KDM5B: variants seen among roughly 807,000 people sequenced by gnomAD.
KDM5B encodes the protein lysine demethylase 5B.
Under a neutral mutation model 193.4 loss-of-function variants are expected in KDM5B, and 144 were observed. The observed-to-expected ratio is 0.74, with a 90% CI of 0.65 to 0.86. KDM5B has a LOEUF of 0.86. Among genes scored for constraint, KDM5B ranks in the 40% least tolerant of loss-of-function variants. KDM5B has a pLI of 0.00. For synonymous variants in KDM5B, 668 were observed against 682.6 expected (o/e 0.98, Z 0.33); for missense variants, 1,833 against 1,886.9 (o/e 0.97, Z 0.53).
At chr1:202,794,773 T>G (rs1202531204) in intron 1 of KDM5B, among the ~76,000 whole-genome samples, 4 of 152,216 alleles carry the variant, frequency 2.6e-5, no homozygotes, top group African/African-American at 9.6e-5. Context: ...AGACCCCCAG[T>G]GGATGCCTGA....
At position 202,736,282 on chromosome 1, in the gene KDM5B, C is replaced by A. The variant is rs747859079; in HGVS notation, c.3195G>T (p.Glu1065Asp). Reference protein sequence around the residue: ...SLPRLETLVAEVQAWKECAVN... With the variant: ...SLPRLETLVADVQAWKECAVN... ...CAGCACATTCTTTCCAAGCCTGAAC[C>A]TCAGCTACTAGGGTTTCCAGTCTTG... is the stretch of plus-strand genomic sequence containing the variant. Residue 1065 changes from glutamate (E) to aspartate (D), a missense_variant, in exon 21 of 27, where the codon GAG becomes GAT. By Grantham distance (45) the Glu-to-Asp change is conservative. This residue lies in a region of KDM5B where 1,379 missense variants were observed against 1,349.6 expected (regional missense o/e 1.02). Transcript: ENST00000367265. The A allele has an allele frequency of 1.1e-5, 17 of 1,612,366 alleles. No homozygotes were observed. In the Admixed American group the frequency reaches 2.5e-4, roughly 24 times the overall value.
Position 202,777,081 on chromosome 1 carries a change from G to A in KDM5B, c.218C>T (p.Pro73Leu). 2 of 1,612,800 alleles carry A rather than the reference G, an allele frequency of 1.2e-6. No individual in the cohort carries two copies. ...AAGTTTATCAACATCACATGCAAAT[G>A]GTGGCTGCCAATCCTAGGAGAAAGC... ...KVRPPPDWQP[P>L]FACDVDKLHF... is the part of the protein sequence containing the mutation. The change falls in exon 2 of 27, where the codon CCA becomes CTA. Residue 73 changes from proline to leucine, a missense_variant. Pro to Leu is a moderately conservative substitution (Grantham distance 98). This residue lies in a region of KDM5B where 355 missense variants were observed against 374.9 expected (regional missense o/e 0.95). Transcript: ENST00000367265.
rs1294197522 is a variant in KDM5B at position 202,728,531 on chromosome 1, G to A, written c.*505C>T. The A allele has an allele frequency of 6.5e-6, 1 of 153,312 alleles. No homozygotes were observed. Among genetic ancestry groups the A allele is most frequent in the Non-Finnish European group, 1.5e-5 (1 of 68,502 alleles). 9.5% of individuals were successfully genotyped at this position (153,312 alleles called of 1,614,324 possible). ...CCAGGAAGAAGAAAAGTGGATAAAG[G>A]AAAAGAAGAAACAAACAAAAACTCC... On this transcript the variant is annotated 3_prime_UTR_variant, in exon 27 of 27. Coordinates refer to ENST00000367265, the MANE Select transcript of KDM5B (RefSeq NM_006618.5).
In KDM5B at chr1:202,773,256, A is replaced by C; in HGVS notation, c.438T>G (p.Val146=). 6.2e-7 allele frequency: 1 copy of C among 1,614,164 alleles called. No homozygotes were observed. Among genetic ancestry groups the C allele is most frequent in the Non-Finnish European group, 8.5e-7 (1 of 1,180,016 alleles). The change falls in exon 4 of 27, where the codon GTT becomes GTG. Residue 146 remains valine, a synonymous_variant. Transcript: ENST00000367265. ...LVAEEGGFAV[V]CKDRKWTKIA... ...TTTTGGTCCATTTTCTATCCTTGCA[A>C]ACAACTGCAAATCCACCTTCTTCTG...
chr1:202,782,959 C>G (rs1657257773), intron 1 of KDM5B, among the ~76,000 whole-genome samples: 1 of 152,152 alleles, frequency 6.6e-6, no homozygotes, highest in Non-Finnish European at 1.5e-5. Flanking sequence ...CAAGACCAAC[C>G]TGGGTGCTGA....
chr1:202,796,204 C>T, intron 1 of KDM5B: 1 of 263,092 alleles, frequency 3.8e-6, no homozygotes, highest in Non-Finnish European at 7.7e-6. Context: ...GACTTCAGAG[C>T]CTCTCTTATG....
chr1:202,737,361 A>T (rs1339030533), intron 20 of KDM5B, among the ~76,000 whole-genome samples: 1 of 152,210 alleles, frequency 6.6e-6, no homozygotes, highest in African/African-American at 2.4e-5. Flanking sequence ...TGCACTTCTA[A>T]CAAGTTCCCA....
chr1:202,793,553 T>C (rs1323047692), intron 1 of KDM5B, among the ~76,000 whole-genome samples: 14 of 152,142 alleles, frequency 9.2e-5, no homozygotes, highest in Admixed American at 7.9e-4. Flanking sequence ...GCTCTGAAAA[T>C]AGTCATGACC....
Position 202,787,331 on chromosome 1 carries a change from C to T in KDM5B, c.205-10237G>A, listed in dbSNP as rs892965182. Among the ~76,000 whole-genome samples, 40 of 152,212 alleles carry T rather than the reference C, an allele frequency of 2.6e-4. 1 individual carries two copies. Among genetic ancestry groups the T allele is most frequent in the African/African-American group, 9.4e-4 (39 of 41,542 alleles). On this transcript the variant is annotated intron_variant, in intron 1 of 26. Coordinates refer to ENST00000367265, the MANE Select transcript of KDM5B (RefSeq NM_006618.5). ...GACCAAGTTTCCCTTTTTAATACTG[C>T]AATAACTCAATGTTTTGTCCTTAGG...
In KDM5B at chr1:202,733,869, T is replaced by C. The variant is rs1385229820; in HGVS notation, c.3441A>G (p.Glu1147=). The C allele has an allele frequency of 6.2e-7, 1 of 1,611,084 alleles. No individual in the cohort carries two copies. Among genetic ancestry groups the C allele is most frequent in the South Asian group, 1.1e-5 (1 of 90,784 alleles). ...ETASAMATLG[E]ARLREMEALQ... ...AGGCTTCCATTTCCCTTAGGCGAGC[T>C]TCCCCAAGAGTTGCCATCTGAAAAA... Residue 1147 remains glutamate (E), a synonymous_variant, in exon 23 of 27, where the codon GAA becomes GAG. Transcript: ENST00000367265.
chr1:202,748,589 C>A (rs1655659652), intron 14 of KDM5B, among the ~76,000 whole-genome samples: 1 of 151,760 alleles, frequency 6.6e-6, no homozygotes, highest in African/African-American at 2.4e-5. Flanking sequence ...AAAGGGCAAG[C>A]CGGGTGTGGT....
rs377302756 is a variant in KDM5B, at chr1:202,751,657, A to G, written c.1702-879T>C. ...TTCTGATTCTCAATAGAGTTATTAG[A>G]TCAGTCTCATAGTTGTCACCACTGT... On this transcript the variant is annotated intron_variant, in intron 12 of 26. Transcript: ENST00000367265. 1.4e-4 allele frequency among the ~76,000 whole-genome samples: 22 copies of G among 152,316 alleles called. 1 individual carries two copies. The highest frequency in any genetic ancestry group is 5.1e-4 in the African/African-American group (21 of 41,576).
At position 202,808,218 on chromosome 1, in the gene KDM5B, G is replaced by A. The variant is rs756281484; in HGVS notation, c.88C>T (p.Pro30Ser). Residue 30 changes from proline (P) to serine (S), a missense_variant, in exon 1 of 27, where the codon CCC (proline) becomes TCC (serine). Physicochemically the swap from Pro to Ser is moderately conservative, Grantham distance 74. Around this residue, in one of 3 missense-constraint regions of KDM5B, gnomAD observed 355 missense variants for 374.9 expected, o/e 0.95. Coordinates refer to ENST00000367265, the MANE Select transcript of KDM5B (RefSeq NM_006618.5). ...CTGGGTTCGAAGACCGGGCACTCGG[G>A]TGGAGGCAGGAACTCGCCCAGCGGG... ...PGPLGEFLPP[P>S]ECPVFEPSWE... 2 of 1,612,656 alleles carry A rather than the reference G, an allele frequency of 1.2e-6. No homozygotes were observed. Among genetic ancestry groups the A allele is most frequent in the South Asian group, 1.1e-5 (1 of 91,068 alleles).
intron 21 of KDM5B, 105 bp downstream of exon 21, chr1:202,736,108 C>T (rs1181280367): frequency 2.4e-6 from 2 of 822,400 alleles, no homozygotes. Context: ...GAACAACTCA[C>T]AGAATATAGA....
intron 4 of KDM5B, among the ~76,000 whole-genome samples, chr1:202,770,715 G>C (rs1357059658): frequency 6.6e-6 from 1 of 152,168 alleles, no homozygotes; most frequent in Non-Finnish European, 1.5e-5. Context: ...TGATGTATAT[G>C]AACAGTACAC....
intron 5 of KDM5B, 69 bp from the exon 6 acceptor site, chr1:202,764,214 A>C: frequency 1.2e-6 from 1 of 816,030 alleles, no homozygotes; most frequent in Non-Finnish European, 1.9e-6. Flanking sequence ...TCCAACTGGA[A>C]TCTCAAGGTG....
intron 23 of KDM5B, chr1:202,732,197 A>C: frequency 2.4e-6 from 1 of 423,692 alleles, no homozygotes; most frequent in East Asian, 5.1e-5. Context: ...GGCCACTGGG[A>C]AATAAGCCAC....
intron 1 of KDM5B, among the ~76,000 whole-genome samples, chr1:202,785,471 A>T (rs1657370710): frequency 9.1e-6 from 1 of 109,778 alleles, no homozygotes; most frequent in Admixed American, 1.1e-4. Flanking sequence ...CCTGGGTTCA[A>T]ATCCTGGTAC....
chr1:202,793,513 C>T lies in KDM5B; in HGVS notation c.204+14589G>A, dbSNP rs1279410607. ...AAAGAAGGGCTGATATTTTAAGCTG[C>T]CCATTTTACAGATAGGTTAATAGAA... On this transcript the variant is annotated intron_variant, in intron 1 of 26. Coordinates refer to ENST00000367265, the MANE Select transcript of KDM5B (RefSeq NM_006618.5). 2.6e-5 allele frequency among the ~76,000 whole-genome samples: 4 copies of T among 152,248 alleles called. No individual in the cohort carries two copies. In the South Asian group the frequency reaches 8.3e-4, roughly 32 times the overall value.
Sources: allele counts gnomAD v4.1 joint callset (sites outside exome capture counted in the v4.1 genomes callset), GRCh38; gene constraint gnomAD v4.1.1; regional missense constraint gnomAD v4.1.1; transcripts MANE v1.5; gene names NCBI Gene and HGNC (gene_info 2026-07-23, HGNC 2026-07-21).